The following ATXN7L1 variants were observed in gnomAD, a reference collection of about 807,000 sequenced individuals.
The protein encoded by ATXN7L1 is ataxin 7 like 1.
ATXN7L1 carries 15 observed loss-of-function variants against 70.8 expected under a neutral mutation model. That is an observed-to-expected ratio of 0.21 (90% confidence interval 0.14 to 0.33). ATXN7L1 has a LOEUF of 0.33. Among genes scored for constraint, ATXN7L1 ranks in the 10% least tolerant of loss-of-function variants. The pLI is 1.00. For synonymous variants in ATXN7L1, 440 were observed against 445.1 expected (o/e 0.99, Z 0.14); for missense variants, 975 against 1,097.1 (o/e 0.89, Z 1.57).
At chr7:105,654,377 A>T (rs913113785) in intron 4 of ATXN7L1, among the ~76,000 whole-genome samples, 1 of 152,270 alleles carries the variant, frequency 6.6e-6, no homozygotes, top group African/African-American at 2.4e-5. Flanking sequence ...ACCGTGTTTA[A>T]TCTCTATCCC....
At chr7:105,722,058 G>A (rs1485526111) in intron 3 of ATXN7L1, among the ~76,000 whole-genome samples, 1 of 152,184 alleles carries the variant, frequency 6.6e-6, no homozygotes, top group Non-Finnish European at 1.5e-5. Flanking sequence ...TAATTTAGTT[G>A]CCTGTCCCAA....
chr7:105,718,035 G>A (rs933921595), intron 3 of ATXN7L1, among the ~76,000 whole-genome samples: 2 of 152,244 alleles, frequency 1.3e-5, no homozygotes, highest in Admixed American at 6.5e-5. Context: ...GCATTAAAAC[G>A]TTCTTTTGGT....
chr7:105,866,926 G>C (rs1044542657), intron 2 of ATXN7L1, among the ~76,000 whole-genome samples: 1 of 152,176 alleles, frequency 6.6e-6, no homozygotes, highest in Non-Finnish European at 1.5e-5. Flanking sequence ...ACTGCATTGA[G>C]TACTACCATC....
At chr7:105,780,037 C>T (rs1347124494) in intron 3 of ATXN7L1, among the ~76,000 whole-genome samples, 1 of 152,190 alleles carries the variant, frequency 6.6e-6, no homozygotes, top group Non-Finnish European at 1.5e-5. Context: ...GGATAATTAG[C>T]AGGTGATAAT....
chr7:105,861,831 G>A (rs1477143928), intron 2 of ATXN7L1, among the ~76,000 whole-genome samples: 1 of 152,178 alleles, frequency 6.6e-6, no homozygotes, highest in Admixed American at 6.5e-5. Context: ...AAGCTGTAGG[G>A]TTGTCTACTG....
chr7:105,728,198 T>G (rs1351721321), intron 3 of ATXN7L1, among the ~76,000 whole-genome samples: 1 of 152,106 alleles, frequency 6.6e-6, no homozygotes, highest in Non-Finnish European at 1.5e-5. Flanking sequence ...AAAACTTCAC[T>G]GAAGAGGGTT....
chr7:105,691,712 G>GA (rs1246963000), intron 3 of ATXN7L1: 3 of 149,142 alleles, frequency 2.0e-5, no homozygotes, highest in African/African-American at 7.4e-5. Context: ...AAAAAGGAGG[G>GA]AAAAAAATCG....
intron 3 of ATXN7L1, among the ~76,000 whole-genome samples, chr7:105,754,192 C>G (rs1336425810): frequency 6.6e-6 from 1 of 152,132 alleles, no homozygotes; most frequent in Non-Finnish European, 1.5e-5. Flanking sequence ...TAGGCAGGCA[C>G]AGAGCACAGG....
intron 2 of ATXN7L1, among the ~76,000 whole-genome samples, chr7:105,836,438 A>G (rs915778940): frequency 4.6e-5 from 7 of 152,220 alleles, no homozygotes; most frequent in African/African-American, 1.7e-4. Flanking sequence ...GAGAGTGATT[A>G]GGGAGAAAAT....
intron 3 of ATXN7L1, among the ~76,000 whole-genome samples, chr7:105,732,653 T>C (rs668373): frequency 0.74 from 112,796 of 152,106 alleles, 43,483 homozygotes; most frequent in East Asian, 1. Context: ...ATGGTGCCTA[T>C]GTTGGCAGGG....
At chr7:105,619,497 TATA>T (rs1794497945) in intron 9 of ATXN7L1, among the ~76,000 whole-genome samples, 1 of 11,764 alleles carries the variant, frequency 8.5e-5, no homozygotes, top group African/African-American at 3.8e-4. Flanking sequence ...AACAGAAGCA[TATA>T]TATATATATA....
intron 3 of ATXN7L1, among the ~76,000 whole-genome samples, chr7:105,696,475 C>T (rs2075114): frequency 0.064 from 9,735 of 152,168 alleles, 353 homozygotes; most frequent in South Asian, 0.11. Flanking sequence ...ACCCATCCAC[C>T]CCCACTTTTT....
intron 7 of ATXN7L1, among the ~76,000 whole-genome samples, chr7:105,637,124 G>A (rs1414914863): frequency 6.6e-6 from 1 of 152,182 alleles, no homozygotes; most frequent in Non-Finnish European, 1.5e-5. Context: ...TGAGCATGAT[G>A]GAAGTGTTGG....
At chr7:105,757,443 T>C (rs887958399) in intron 3 of ATXN7L1, among the ~76,000 whole-genome samples, 2 of 152,186 alleles carry the variant, frequency 1.3e-5, no homozygotes, top group African/African-American at 4.8e-5. Flanking sequence ...TGCTCTGGGG[T>C]ATATGCAATT....
At chr7:105,640,835 A>G (rs1373815088) in intron 5 of ATXN7L1, among the ~76,000 whole-genome samples, 1 of 152,254 alleles carries the variant, frequency 6.6e-6, no homozygotes, top group Non-Finnish European at 1.5e-5. Context: ...TAAGTCCTGC[A>G]GAGCAGGAAT....
intron 3 of ATXN7L1, among the ~76,000 whole-genome samples, chr7:105,723,991 T>C (rs1485033346): frequency 6.6e-6 from 1 of 152,220 alleles, no homozygotes; most frequent in Non-Finnish European, 1.5e-5. Flanking sequence ...CCTTCTTTGA[T>C]GTAACGAGGA....
intron 3 of ATXN7L1, among the ~76,000 whole-genome samples, chr7:105,679,926 A>T (rs1024496970): frequency 6.8e-6 from 1 of 146,330 alleles, no homozygotes; most frequent in Non-Finnish European, 1.5e-5. Flanking sequence ...CACCTCAATT[A>T]AAAAAAAAAC....
intron 2 of ATXN7L1, among the ~76,000 whole-genome samples, chr7:105,825,973 C>T (rs762660847): frequency 6.6e-6 from 1 of 152,126 alleles, no homozygotes; most frequent in African/African-American, 2.4e-5. Context: ...TGTGTGACAG[C>T]CAAACCCTCC....
intron 3 of ATXN7L1, among the ~76,000 whole-genome samples, chr7:105,740,522 C>T (rs994276483): frequency 1.6e-4 from 24 of 152,096 alleles, no homozygotes; most frequent in African/African-American, 3.9e-4. Flanking sequence ...GATGCTAAAC[C>T]GCTAACCCAA....
Sources: allele counts gnomAD v4.1 joint callset (sites outside exome capture counted in the v4.1 genomes callset), GRCh38; gene constraint gnomAD v4.1.1; transcripts MANE v1.5; gene names NCBI Gene and HGNC (gene_info 2026-07-23, HGNC 2026-07-21).